The following SUSD4 variants were observed in gnomAD, a reference collection of about 807,000 sequenced individuals.
The protein encoded by SUSD4 is sushi domain containing 4.
Under a neutral mutation model 50.5 loss-of-function variants are expected in SUSD4, and 41 were observed. The ratio of observed to expected loss-of-function variants is 0.81; its 90% confidence interval spans 0.63 to 1.05. SUSD4 has a LOEUF of 1.05. Ranked by LOEUF, SUSD4 falls within the 50% of genes least tolerant of loss-of-function variation. The pLI is 0.00. For synonymous variants in SUSD4, 257 were observed against 257.3 expected (o/e 1.00, Z 0.01); for missense variants, 580 against 634.7 (o/e 0.91, Z 0.93).
intron 2 of SUSD4, among the ~76,000 whole-genome samples, chr1:223,318,632 GT>G (rs1666370520): frequency 7.0e-6 from 1 of 143,220 alleles, no homozygotes; most frequent in Non-Finnish European, 1.6e-5. Context: ...TTCTTCATGT[GT>G]TTTTTGGCTG....
At chr1:223,257,308 A>C (rs1661765157) in intron 5 of SUSD4, among the ~76,000 whole-genome samples, 1 of 152,186 alleles carries the variant, frequency 6.6e-6, no homozygotes. Context: ...GTTTGAGACC[A>C]GCCTGGGCAA....
At chr1:223,310,954 T>A (rs825123) in intron 2 of SUSD4, among the ~76,000 whole-genome samples, 1 of 151,980 alleles carries the variant, frequency 6.6e-6, no homozygotes, top group South Asian at 2.1e-4. Flanking sequence ...TAGTGCCCCC[T>A]CTAAATCATC....
intron 2 of SUSD4, chr1:223,360,135 C>T (rs769588226): frequency 2.2e-6 from 1 of 464,906 alleles, no homozygotes. Flanking sequence ...GTCCTGAGAC[C>T]CCAAAGCTAT....
chr1:223,317,757 C>T (rs1003538515), intron 2 of SUSD4, among the ~76,000 whole-genome samples: 5 of 150,914 alleles, frequency 3.3e-5, no homozygotes, highest in African/African-American at 1.2e-4. Flanking sequence ...TCTCATGAGG[C>T]CAGGAAGCCC....
intron 2 of SUSD4, among the ~76,000 whole-genome samples, chr1:223,327,067 C>A (rs1341541920): frequency 6.6e-6 from 1 of 152,114 alleles, no homozygotes; most frequent in Non-Finnish European, 1.5e-5. Flanking sequence ...GCACAATTCA[C>A]AATTGCAAAA....
chr1:223,264,223 C>T, intron 5 of SUSD4: 1 of 985,412 alleles, frequency 1.0e-6, no homozygotes, highest in Non-Finnish European at 1.2e-6. Flanking sequence ...ACATTTACAG[C>T]TAAGCCATAA....
intron 3 of SUSD4, among the ~76,000 whole-genome samples, chr1:223,274,406 A>G (rs368971054): frequency 1.4e-4 from 21 of 152,330 alleles, no homozygotes; most frequent in African/African-American, 3.6e-4. Flanking sequence ...GGGCTGGTCC[A>G]GGTTGTTTCT....
intron 2 of SUSD4, among the ~76,000 whole-genome samples, chr1:223,298,712 G>GA (rs34663346): frequency 6.6e-6 from 1 of 152,128 alleles, no homozygotes; most frequent in Non-Finnish European, 1.5e-5. Flanking sequence ...GAATCCATCA[G>GA]AAAAATGACT....
intron 2 of SUSD4, among the ~76,000 whole-genome samples, chr1:223,339,360 G>A (rs1300327486): frequency 2.0e-5 from 3 of 152,168 alleles, no homozygotes; most frequent in African/African-American, 7.2e-5. Context: ...AGCTGTGGAG[G>A]GAGGAAAATG....
chr1:223,244,722 T>C (rs755243156), intron 5 of SUSD4, among the ~76,000 whole-genome samples: 24 of 152,026 alleles, frequency 1.6e-4, no homozygotes, highest in Non-Finnish European at 2.9e-4. Flanking sequence ...AGCTGCTCTG[T>C]CCCCGCAATC....
chr1:223,231,263 G>C lies in SUSD4; in HGVS notation c.725-1875C>G, dbSNP rs1026969820. Among the ~76,000 whole-genome samples the C allele has an allele frequency of 6.6e-6, 1 of 152,174 alleles. No homozygotes were observed. Among genetic ancestry groups the C allele is most frequent in the Admixed American group, 6.5e-5 (1 of 15,282 alleles). ...GGACAAAGCCAGTGGGGAGCCAGGT[G>C]ACAAGGGGGTCTGGGAAACAGGGTC... is the stretch of plus-strand genomic sequence containing the variant. On this transcript the variant is annotated intron_variant, in intron 5 of 8. Transcript: ENST00000366878. The surrounding 1 kb of genome is among the most constrained non-coding windows in gnomAD (Gnocchi z 4.2).
In SUSD4 at chr1:223,292,466, T is replaced by C. The variant is rs1404106816; in HGVS notation, c.334A>G (p.Ser112Gly). Reference sequence around the variant, plus strand: ...TCTTGCACACAGATGGAATTATCACTTGGGATCCAGCCTAGGGTTCCATTA... The same window carrying C: ...TCTTGCACACAGATGGAATTATCACCTGGGATCCAGCCTAGGGTTCCATTA... ...HFNGTLGWIP[S>G]DNSICVQEDC... Residue 112 changes from serine (S) to glycine (G), a missense_variant, in exon 3 of 9, where the codon AGT becomes GGT. Transcript: ENST00000366878. 2 of 1,614,170 alleles carry C rather than the reference T, an allele frequency of 1.2e-6. No individual in the cohort carries two copies. Among genetic ancestry groups the C allele is most frequent in the Non-Finnish European group, 1.7e-6 (2 of 1,180,010 alleles).
intron 7 of SUSD4, 52 bp from the exon 8 acceptor site, chr1:223,223,683 T>G: frequency 6.5e-7 from 1 of 1,536,004 alleles, no homozygotes. Context: ...ACTCTGGGGA[T>G]GAGGCCACCC....
chr1:223,361,325 C>T (rs1206195433), intron 2 of SUSD4, among the ~76,000 whole-genome samples: 1 of 152,134 alleles, frequency 6.6e-6, no homozygotes, highest in Non-Finnish European at 1.5e-5. Context: ...AGAAATCACA[C>T]TCTCAGCCTG....
intron 5 of SUSD4, among the ~76,000 whole-genome samples, chr1:223,230,192 G>A (rs560809661): frequency 3.1e-4 from 47 of 152,170 alleles, no homozygotes; most frequent in African/African-American, 9.4e-4. Flanking sequence ...AGGTAAGGAC[G>A]GTTCCATCTC....
chr1:223,280,403 G>A (rs2995116), intron 3 of SUSD4, among the ~76,000 whole-genome samples: 126,607 of 151,802 alleles, frequency 0.83, 53,298 homozygotes, highest in African/African-American at 0.96. Flanking sequence ...TCTACCAAGC[G>A]AATGGAAAAC....
At chr1:223,359,934 C>CAG (rs80181313) in intron 2 of SUSD4, among the ~76,000 whole-genome samples, 39,368 of 151,934 alleles carry the variant, frequency 0.26, 5,176 homozygotes, top group Middle Eastern at 0.3. Flanking sequence ...TGGCTCAGGA[C>CAG]GGGGTAGGCA....
intron 5 of SUSD4, among the ~76,000 whole-genome samples, chr1:223,262,296 A>G (rs776122413): frequency 5.3e-5 from 8 of 152,118 alleles, no homozygotes; most frequent in African/African-American, 9.7e-5. Context: ...ACATATCTAA[A>G]AGCCCCTTAG....
chr1:223,239,923 T>C (rs894370805), intron 5 of SUSD4, among the ~76,000 whole-genome samples: 2 of 152,214 alleles, frequency 1.3e-5, no homozygotes, highest in African/African-American at 4.8e-5. Flanking sequence ...TATATTACTT[T>C]CTTTATCTCT....
Sources: allele counts gnomAD v4.1 joint callset (sites outside exome capture counted in the v4.1 genomes callset), GRCh38; gene constraint gnomAD v4.1.1; non-coding constraint Gnocchi (gnomAD v3.1); transcripts MANE v1.5; gene names NCBI Gene and HGNC (gene_info 2026-07-23, HGNC 2026-07-21).